BAZ1B: variants seen among roughly 807,000 people sequenced by gnomAD.
The protein encoded by BAZ1B is tyrosine-protein kinase BAZ1B.
A neutral mutation model predicts 153.8 loss-of-function variants in BAZ1B; 22 were observed. That is an observed-to-expected ratio of 0.14 (90% CI 0.10 to 0.20). BAZ1B has a LOEUF of 0.20. Ranked by LOEUF, BAZ1B falls within the 10% of genes least tolerant of loss-of-function variation. The pLI is 1.00. For missense variants in BAZ1B, 1,325 were observed against 1,799.3 expected (o/e 0.74, Z 4.77); for synonymous variants, 676 against 633.4 (o/e 1.07, Z -1.01).
At chr7:73,443,318 T>C (rs374013282) in intron 17 of BAZ1B, among the ~76,000 whole-genome samples, 9 of 152,176 alleles carry the variant, frequency 5.9e-5, no homozygotes, top group African/African-American at 1.9e-4. Context: ...TCTTCCACCG[T>C]AGACATGTGA....
chr7:73,502,827 C>T (rs1033247466), intron 3 of BAZ1B, among the ~76,000 whole-genome samples: 6 of 152,104 alleles, frequency 3.9e-5, no homozygotes, highest in Non-Finnish European at 4.4e-5. Flanking sequence ...AGTAAGCCTA[C>T]GCACAGGTGG....
Position 73,466,329 on chromosome 7 carries a change from T to C in BAZ1B, c.2939A>G (p.Glu980Gly). 6.2e-7 allele frequency: 1 copy of C among 1,613,920 alleles called. No individual in the cohort carries two copies. Among genetic ancestry groups the C allele is most frequent in the Non-Finnish European group, 8.5e-7 (1 of 1,179,800 alleles). The change falls in exon 10 of 20, where the codon GAG becomes GGG. Residue 980 changes from glutamate (E) to glycine (G), a missense_variant. Physicochemically the swap from Glu to Gly is moderately conservative, Grantham distance 98. Transcript: ENST00000339594. ...QHGTATEVAV[E>G]TTTPKQGQNL... ...CTGTCCTTGTTTGGGTGTGGTTGTC[T>C]CTACAGCAACTTCTGTTGCTGTTCC...
intron 13 of BAZ1B, among the ~76,000 whole-genome samples, chr7:73,456,094 T>C (rs1012886445): frequency 6.6e-6 from 1 of 152,288 alleles, no homozygotes; most frequent in African/African-American, 2.4e-5. Context: ...GTGAGGAAAC[T>C]GGGTATCTAA....
chr7:73,512,409 A>T (rs1462808219), intron 1 of BAZ1B, among the ~76,000 whole-genome samples: 1 of 152,188 alleles, frequency 6.6e-6, no homozygotes, highest in Non-Finnish European at 1.5e-5. Flanking sequence ...CCTGGTTTAA[A>T]AAATAAATTT....
At chr7:73,470,505 A>C (rs782076955) in intron 7 of BAZ1B, 22 bp from the exon 8 acceptor site, 1 of 1,608,368 alleles carries the variant, frequency 6.2e-7, no homozygotes, top group Non-Finnish European at 8.5e-7. Context: ...AAAAAGACTC[A>C]AATCAGATAT....
intron 13 of BAZ1B, among the ~76,000 whole-genome samples, chr7:73,454,766 T>C (rs1289238522): frequency 6.6e-6 from 1 of 152,214 alleles, no homozygotes; most frequent in East Asian, 1.9e-4. Context: ...TGAGCCTGAG[T>C]ACTGCTGTTT....
chr7:73,515,593 A>G (rs1790766834), intron 1 of BAZ1B, among the ~76,000 whole-genome samples: 1 of 144,320 alleles, frequency 6.9e-6, no homozygotes, highest in African/African-American at 2.6e-5. Flanking sequence ...GCTGGAGTGC[A>G]ATAGCACCAT....
rs543290031 is a variant in BAZ1B, at chr7:73,487,409, A to G, written c.891+1785T>C. Among the ~76,000 whole-genome samples the G allele has an allele frequency of 1.1e-4, 17 of 152,288 alleles. No individual in the cohort carries two copies. The East Asian group carries it at 1.9e-3, about 17-fold the overall frequency. On this transcript the variant is annotated intron_variant, in intron 6 of 19. Transcript: ENST00000339594. ...GTCCCACTGCACTCCAGCCTGGGTA[A>G]CAGAGCAAGACCCTGTCTCTAAAGT...
chr7:73,511,958 G>A (rs1790597160), intron 1 of BAZ1B, among the ~76,000 whole-genome samples: 1 of 148,294 alleles, frequency 6.7e-6, no homozygotes, highest in African/African-American at 2.5e-5. Flanking sequence ...TTGAACCTGG[G>A]AGGCCGTTGC....
intron 3 of BAZ1B, among the ~76,000 whole-genome samples, chr7:73,506,947 C>T (rs112403539): frequency 2.2e-5 from 3 of 137,556 alleles, no homozygotes; most frequent in Non-Finnish European, 3.1e-5. Flanking sequence ...GGCACGATCT[C>T]GGCTCACTGC....
intron 9 of BAZ1B, among the ~76,000 whole-genome samples, chr7:73,469,140 A>G (rs1325534207): frequency 6.6e-6 from 1 of 152,022 alleles, no homozygotes; most frequent in South Asian, 2.1e-4. Context: ...CAAAAAAAAA[A>G]AAAAAAAGAA....
chr7:73,473,236 G>A (rs976008581), intron 7 of BAZ1B, among the ~76,000 whole-genome samples: 1 of 152,170 alleles, frequency 6.6e-6, no homozygotes, highest in Non-Finnish European at 1.5e-5. Flanking sequence ...CACCGAGCCT[G>A]GCCTGTTCAT....
chr7:73,443,132 A>C (rs1262802834), intron 17 of BAZ1B, among the ~76,000 whole-genome samples: 1 of 152,184 alleles, frequency 6.6e-6, no homozygotes, highest in Non-Finnish European at 1.5e-5. Context: ...GGCTACTGTC[A>C]ACAGGACACT....
intron 6 of BAZ1B, among the ~76,000 whole-genome samples, chr7:73,478,831 T>C (rs1236908621): frequency 2.0e-5 from 3 of 152,228 alleles, no homozygotes; most frequent in Non-Finnish European, 2.9e-5. Context: ...TGTATATTAA[T>C]GATTCTTAAA....
intron 4 of BAZ1B, 74 bp from the exon 5 acceptor site, chr7:73,492,995 A>C: frequency 1.4e-6 from 2 of 1,467,112 alleles, no homozygotes; most frequent in Non-Finnish European, 1.8e-6. Flanking sequence ...AACAAGTCTT[A>C]ACTGAACGTC....
At chr7:73,518,349 C>T (rs1173571542) in intron 1 of BAZ1B, among the ~76,000 whole-genome samples, 1 of 151,574 alleles carries the variant, frequency 6.6e-6, no homozygotes, top group Non-Finnish European at 1.5e-5. Flanking sequence ...GGAGGCGGAG[C>T]TTGCAGTGAG....
intron 1 of BAZ1B, among the ~76,000 whole-genome samples, chr7:73,514,602 G>C (rs1790718920): frequency 6.6e-6 from 1 of 151,652 alleles, no homozygotes. Flanking sequence ...TCAAGCCCAG[G>C]AGTTCAAGAG....
rs782664644 is a variant in BAZ1B, at chr7:73,508,445, T to A, written c.251A>T (p.Tyr84Phe). Reference protein sequence around the residue: ...ELLKEEFPAWYEKLVLEMVHH... With the variant: ...ELLKEEFPAWFEKLVLEMVHH... ...AACCATTTCCAGAACAAGCTTCTCA[T>A]ACCAGGCAGGAAACTCCTCCTTCAA... is the stretch of plus-strand genomic sequence containing the variant. The change falls in exon 3 of 20, where the codon TAT becomes TTT. Residue 84 changes from tyrosine to phenylalanine, a missense_variant. Physicochemically the swap from Tyr to Phe is conservative, Grantham distance 22. Transcript: ENST00000339594. 6.2e-7 allele frequency: 1 copy of A among 1,612,900 alleles called. No homozygotes were observed. Among genetic ancestry groups the A allele is most frequent in the East Asian group, 2.2e-5 (1 of 44,860 alleles).
At chr7:73,461,356 TGTCA>T (rs1479454509) in intron 12 of BAZ1B, among the ~76,000 whole-genome samples, 1 of 152,240 alleles carries the variant, frequency 6.6e-6, no homozygotes, top group African/African-American at 2.4e-5. Flanking sequence ...AATACTATCT[TGTCA>T]ATCACACAAG....
Sources: allele counts gnomAD v4.1 joint callset (sites outside exome capture counted in the v4.1 genomes callset), GRCh38; gene constraint gnomAD v4.1.1; transcripts MANE v1.5; gene names NCBI Gene and HGNC (gene_info 2026-07-23, HGNC 2026-07-21).